Variants in CBLN2 observed in about 807,000 individuals in gnomAD.
The protein encoded by CBLN2 is cerebellin-2.
CBLN2 carries 7 observed loss-of-function variants against 15.0 expected under a neutral mutation model. That is an observed-to-expected ratio of 0.47 (90% confidence interval 0.27 to 0.88). The LOEUF is 0.88. Among genes scored for constraint, CBLN2 ranks in the 40% least tolerant of loss-of-function variants. The probability of loss-of-function intolerance (pLI) is 0.14; values close to 1 mark genes in which losing one functional copy is unlikely to be tolerated. For synonymous variants in CBLN2, 149 were observed against 135.2 expected (o/e 1.10, Z -0.71); for missense variants, 242 against 304.5 (o/e 0.79, Z 1.53).
chr18:72,555,597 C>T (rs1224378653), intron 1 of CBLN2, among the ~76,000 whole-genome samples: 1 of 152,246 alleles, frequency 6.6e-6, no homozygotes, highest in East Asian at 1.9e-4. Context: ...ATACAGTAAT[C>T]TACTTTTTCC....
intron 1 of CBLN2, chr18:72,552,619 A>C (rs937528331): frequency 6.6e-6 from 1 of 152,168 alleles, no homozygotes; most frequent in Non-Finnish European, 1.5e-5. Flanking sequence ...TTTTTCACAA[A>C]AGATGTTGAG....
At chr18:72,602,892 T>A (rs2069558146) in intron 1 of CBLN2, among the ~76,000 whole-genome samples, 1 of 152,226 alleles carries the variant, frequency 6.6e-6, no homozygotes, top group Non-Finnish European at 1.5e-5. Context: ...AATACTTACC[T>A]CTTACTGGCT....
At chr18:72,612,533 TG>T (rs989653167) in intron 1 of CBLN2, among the ~76,000 whole-genome samples, 5 of 151,856 alleles carry the variant, frequency 3.3e-5, no homozygotes, top group African/African-American at 1.2e-4. Context: ...GGTCTTATCT[TG>T]CTCTGTTGGA....
intron 1 of CBLN2, among the ~76,000 whole-genome samples, chr18:72,586,329 T>C (rs1423783421): frequency 2.2e-4 from 34 of 152,248 alleles, no homozygotes; most frequent in Non-Finnish European, 2.9e-5. Context: ...TTTTCTTTAA[T>C]TTAATATGTA....
intron 1 of CBLN2, among the ~76,000 whole-genome samples, chr18:72,554,385 T>C (rs2069210754): frequency 1.3e-5 from 2 of 152,168 alleles, no homozygotes; most frequent in African/African-American, 4.8e-5. Context: ...AGGGGTTTTT[T>C]GATGATTATT....
intron 1 of CBLN2, among the ~76,000 whole-genome samples, chr18:72,578,959 G>T (rs1232375039): frequency 6.6e-6 from 1 of 152,076 alleles, no homozygotes; most frequent in Non-Finnish European, 1.5e-5. Context: ...CGCTCTCTGT[G>T]TCACAATCTG....
chr18:72,614,077 G>T lies in CBLN2; in HGVS notation c.15+24248C>A, dbSNP rs2069641196. Among the ~76,000 whole-genome samples the T allele has an allele frequency of 2.6e-5, 4 of 152,024 alleles. No individual in the cohort carries two copies. The South Asian group carries it at 8.3e-4, about 31-fold the overall frequency. Reference sequence around the variant, plus strand: ...TGTTACATAATTTTTAATAGCCCTTGGTACAACTCTCAGTTTGCTGCATAA... The same window carrying T: ...TGTTACATAATTTTTAATAGCCCTTTGTACAACTCTCAGTTTGCTGCATAA... On this transcript the variant is annotated intron_variant, in intron 1 of 2. Transcript: ENST00000581073.
chr18:72,539,181 G>GAACA (rs565067730), intron 3 of CBLN2: 87 of 162,694 alleles, frequency 5.3e-4, no homozygotes, highest in African/African-American at 9.1e-4. Flanking sequence ...ACAAAAAAAC[G>GAACA]AACAAACAAA....
chr18:72,572,353 T>C (rs1267619684), intron 1 of CBLN2, among the ~76,000 whole-genome samples: 1 of 152,204 alleles, frequency 6.6e-6, no homozygotes, highest in African/African-American at 2.4e-5. Context: ...ACTGTGGCTT[T>C]GGCATTTCAT....
rs373455527 is a variant in CBLN2 at position 72,537,235 on chromosome 18, T to G, written c.*941A>C. The G allele has an allele frequency of 6.6e-6, 1 of 152,094 alleles. No individual in the cohort carries two copies. The highest frequency in any genetic ancestry group is 2.4e-5 in the African/African-American group (1 of 41,416). The allele number at this position is 152,094 out of a possible 1,614,324, so 9.4% of individuals were successfully genotyped here. On this transcript the variant is annotated 3_prime_UTR_variant, in exon 5 of 5. Transcript: ENST00000269503. ...CAGGAACACCAGGTTCTTAAAGGAT[T>G]CTGAAGTATAAATTAAAAAAAAATG...
chr18:72,615,334 T>C (rs764990645), intron 1 of CBLN2, among the ~76,000 whole-genome samples: 1 of 148,122 alleles, frequency 6.8e-6, no homozygotes, highest in Admixed American at 6.9e-5. Context: ...TGGAGTGCAA[T>C]GGCACAACCT....
At chr18:72,576,640 T>C (rs1366274535) in intron 1 of CBLN2, among the ~76,000 whole-genome samples, 1 of 152,138 alleles carries the variant, frequency 6.6e-6, no homozygotes, top group Non-Finnish European at 1.5e-5. Context: ...GTCAGTTCAG[T>C]TCTAAAATCC....
intron 1 of CBLN2, among the ~76,000 whole-genome samples, chr18:72,577,361 C>T (rs1568121974): frequency 6.6e-6 from 1 of 152,020 alleles, no homozygotes; most frequent in African/African-American, 2.4e-5. Context: ...AACTTTCTCA[C>T]AAGTGTATCA....
intron 1 of CBLN2, among the ~76,000 whole-genome samples, chr18:72,549,674 CT>C (rs1183624035): frequency 6.6e-6 from 1 of 152,140 alleles, no homozygotes; most frequent in Admixed American, 6.5e-5. Context: ...AAATGTTATA[CT>C]TTTTTTCACC....
chr18:72,600,724 G>T (rs1407754846), intron 1 of CBLN2, among the ~76,000 whole-genome samples: 1 of 152,180 alleles, frequency 6.6e-6, no homozygotes, highest in Non-Finnish European at 1.5e-5. Context: ...AGGAGAAGGG[G>T]TTATTACTCA....
intron 1 of CBLN2, among the ~76,000 whole-genome samples, chr18:72,578,852 TCA>T (rs1269409714): frequency 1.8e-4 from 28 of 152,166 alleles, no homozygotes; most frequent in African/African-American, 6.8e-4. Flanking sequence ...TAAAGTAAAA[TCA>T]ATATTCATGA....
At chr18:72,562,445 C>T (rs962518515) in intron 1 of CBLN2, among the ~76,000 whole-genome samples, 2 of 152,100 alleles carry the variant, frequency 1.3e-5, no homozygotes, top group South Asian at 4.1e-4. Flanking sequence ...TGTTTTCTCT[C>T]CTCCAGAGGT....
chr18:72,603,885 A>G (rs1303644158), intron 1 of CBLN2, among the ~76,000 whole-genome samples: 1 of 152,324 alleles, frequency 6.6e-6, no homozygotes, highest in East Asian at 1.9e-4. Flanking sequence ...ATGGGAAGAA[A>G]ATGGCCTCTG....
intron 1 of CBLN2, among the ~76,000 whole-genome samples, chr18:72,605,435 C>T (rs557200997): frequency 1.1e-4 from 16 of 152,212 alleles, no homozygotes; most frequent in Admixed American, 5.9e-4. Flanking sequence ...AAGTTTTTTC[C>T]GCTTCTTATA....
Sources: gnomAD v4.1 joint callset for allele counts (sites outside exome capture counted in the v4.1 genomes callset) on GRCh38, gnomAD v4.1.1 for gene constraint, MANE v1.5 for transcripts, NCBI Gene and HGNC (gene_info 2026-07-23, HGNC 2026-07-21) for gene names.